The following KLKB1 variants were observed in gnomAD, a reference collection of about 807,000 sequenced individuals.
KLKB1 encodes plasma kallikrein.
A neutral mutation model predicts 73.6 loss-of-function variants in KLKB1; 58 were observed. That is an observed-to-expected ratio of 0.79 (90% CI 0.64 to 0.98). KLKB1 has a LOEUF of 0.98. Among genes scored for constraint, KLKB1 ranks in the 50% least tolerant of loss-of-function variants. The pLI, the probability that KLKB1 is intolerant of heterozygous loss-of-function variation, is 0.00. For missense variants in KLKB1, 737 were observed against 763.8 expected, an observed-to-expected ratio of 0.96 and a Z score of 0.41; for synonymous variants, 280 against 258.1, an observed-to-expected ratio of 1.08 and a Z score of -0.81.
intron 13 of KLKB1, 84 bp downstream of exon 13, chr4:186,256,171 G>A: frequency 1.2e-6 from 1 of 811,500 alleles, no homozygotes; most frequent in South Asian, 1.4e-5. Flanking sequence ...ATCGGTTTCT[G>A]TCTGAAATTA....
At chr4:186,238,441 C>T in intron 6 of KLKB1, 76 bp downstream of exon 6, 1 of 989,504 alleles carries the variant, frequency 1.0e-6, no homozygotes, top group Non-Finnish European at 1.6e-6. Context: ...TGTGCTGAGC[C>T]CTGGGACCTG....
In KLKB1 at chr4:186,258,102, G is replaced by T. The variant is rs1739116911; in HGVS notation, c.1807G>T (p.Ala603Ser). Residue 603 changes from alanine (A) to serine (S), a missense_variant, in exon 15 of 15, where the codon GCC (alanine) becomes TCC (serine). Coordinates refer to ENST00000264690, the MANE Select transcript of KLKB1 (RefSeq NM_000892.5). ...CATCACCAGCTGGGGTGAAGGCTGT[G>T]CCCGCAGGGAGCAACCTGGTGTCTA... ...VGITSWGEGC[A>S]RREQPGVYTK... 1 of 1,614,156 alleles carries T rather than the reference G, an allele frequency of 6.2e-7. No individual in the cohort carries two copies. Among genetic ancestry groups the T allele is most frequent in the African/African-American group, 1.3e-5 (1 of 75,046 alleles).
chr4:186,238,381 CTTCACTTTGTGATTGTGGTAGGTGG>C lies in KLKB1; in HGVS notation c.598+17_598+41del. 1 of 1,542,024 alleles carries C rather than the reference CTTCACTTTGTGATTGTGGTAGGTGG, an allele frequency of 6.5e-7. No homozygotes were observed. Among genetic ancestry groups the C allele is most frequent in the Non-Finnish European group, 9.0e-7 (1 of 1,114,328 alleles). ...TCAGAAATTGGTAATTGTAGGACTA[CTTCACTTTGTGATTGTGGTAGGTGG>C]AATAGGAGCCCCCAGAGACGTCCCT... On this transcript the variant is annotated intron_variant, in intron 6 of 14. Transcript: ENST00000264690.
At chr4:186,231,317 A>G (rs1247903826) in intron 2 of KLKB1, among the ~76,000 whole-genome samples, 2 of 152,248 alleles carry the variant, frequency 1.3e-5, no homozygotes, top group Admixed American at 6.5e-5. Flanking sequence ...GATTTCAAAG[A>G]CAGTCTTTCC....
chr4:186,252,262 C>T (rs1738723599), intron 11 of KLKB1, 77 bp downstream of exon 11: 26 of 1,429,158 alleles, frequency 1.8e-5, no homozygotes, highest in South Asian at 6.9e-5. Flanking sequence ...GCTGCTTCAC[C>T]GCCATGTGAC....
intron 1 of KLKB1, 110 bp downstream of exon 1, chr4:186,227,697 T>C (rs1737213087): frequency 6.5e-6 from 1 of 153,732 alleles, no homozygotes; most frequent in South Asian, 2.0e-4. Flanking sequence ...CCTGAGTATG[T>C]AGAGAGTATA....
Position 186,258,376 on chromosome 4 carries a change from C to G in KLKB1, c.*164C>G, listed in dbSNP as rs143533462. The G allele has an allele frequency of 1.4e-6, 1 of 718,166 alleles. No homozygotes were observed. Among genetic ancestry groups the G allele is most frequent in the Non-Finnish European group, 2.5e-6 (1 of 404,522 alleles). 44.5% of individuals were successfully genotyped at this position (718,166 alleles called of 1,614,324 possible). A position where few individuals can be genotyped will look rare whatever the true frequency, so the allele number is the denominator to read the frequency against. ...TGCTGAGGACAATGTCTGGCTGAAG[C>G]CCGCTTTCAGCACGCCGTAACCAGG... On this transcript the variant is annotated 3_prime_UTR_variant, in exon 15 of 15. Transcript: ENST00000264690.
At chr4:186,244,298 T>C (rs559757800) in intron 6 of KLKB1, among the ~76,000 whole-genome samples, 1 of 152,192 alleles carries the variant, frequency 6.6e-6, no homozygotes, top group South Asian at 2.1e-4. Flanking sequence ...AAGGCGGAAG[T>C]ACTTAACCAT....
chr4:186,250,222 C>T (rs1188716000), intron 6 of KLKB1, 21 bp from the exon 7 acceptor site: 1 of 1,612,408 alleles, frequency 6.2e-7, no homozygotes, highest in South Asian at 1.1e-5. Flanking sequence ...TAAGGAACAT[C>T]TTCTCTCTGT....
chr4:186,249,073 CTT>C (rs1309581634), intron 6 of KLKB1, among the ~76,000 whole-genome samples: 1 of 152,186 alleles, frequency 6.6e-6, no homozygotes, highest in Non-Finnish European at 1.5e-5. Flanking sequence ...ATACTACACT[CTT>C]ATGACATATA....
chr4:186,243,999 G>C (rs184040078), intron 6 of KLKB1, among the ~76,000 whole-genome samples: 16 of 152,232 alleles, frequency 1.1e-4, no homozygotes, highest in Non-Finnish European at 2.1e-4. Context: ...AGTCATGGGG[G>C]TGGGGGCCAG....
intron 6 of KLKB1, among the ~76,000 whole-genome samples, chr4:186,244,272 T>C (rs1419732426): frequency 3.3e-5 from 5 of 152,058 alleles, no homozygotes; most frequent in African/African-American, 1.2e-4. Context: ...GTCAGGATGG[T>C]AAAACTTAGT....
At chr4:186,221,724 G>A (rs1227906144), upstream of KLKB1, among the ~76,000 whole-genome samples, 1 of 152,060 alleles carries the variant, frequency 6.6e-6, no homozygotes, top group Non-Finnish European at 1.5e-5. Context: ...ACCTATCCTG[G>A]AGAGTGTTCT....
Position 186,236,899 on chromosome 4 carries a change from T to G in KLKB1, c.447T>G (p.Phe149Leu). The G allele has an allele frequency of 6.2e-7, 1 of 1,614,130 alleles. No homozygotes were observed. Among genetic ancestry groups the G allele is most frequent in the East Asian group, 2.2e-5 (1 of 44,874 alleles). Residue 149 changes from phenylalanine (F) to leucine (L), a missense_variant, in exon 5 of 15, where the codon TTT becomes TTG. Transcript: ENST00000264690. The part of the protein sequence containing the change: ...KRCTSNIRCQ[F>L]FSYATQTFHK... ...GCACCAGTAACATTCGCTGCCAGTT[T>G]TTTTCATATGCCACGCAAACATTTC...
chr4:186,236,364 T>C (rs1272292162), intron 4 of KLKB1, among the ~76,000 whole-genome samples: 1 of 152,192 alleles, frequency 6.6e-6, no homozygotes, highest in African/African-American at 2.4e-5. Flanking sequence ...CACTGGGAGA[T>C]AGAGAAGCTC....
intron 2 of KLKB1, chr4:186,213,447 T>C (rs1250509499): frequency 6.6e-6 from 1 of 152,232 alleles, no homozygotes; most frequent in East Asian, 1.9e-4. Flanking sequence ...ATAAAATAAA[T>C]AGCACTTTCG....
chr4:186,237,466 T>C (rs1036646029), intron 5 of KLKB1, among the ~76,000 whole-genome samples: 2 of 152,122 alleles, frequency 1.3e-5, no homozygotes, highest in Non-Finnish European at 2.9e-5. Context: ...GGCATGTAAT[T>C]GTACCGCATC....
At chr4:186,231,072 A>C (rs1737380013) in intron 2 of KLKB1, among the ~76,000 whole-genome samples, 1 of 152,210 alleles carries the variant, frequency 6.6e-6, no homozygotes, top group Non-Finnish European at 1.5e-5. Flanking sequence ...GCTCAGGGCC[A>C]AATCCCCAGG....
intron 6 of KLKB1, among the ~76,000 whole-genome samples, chr4:186,242,642 C>T (rs1189073822): frequency 6.6e-6 from 1 of 152,116 alleles, no homozygotes; most frequent in Non-Finnish European, 1.5e-5. Flanking sequence ...AGGAGAAAAA[C>T]AGGTGTTAAA....
Sources: allele counts gnomAD v4.1 joint callset (sites outside exome capture counted in the v4.1 genomes callset), GRCh38; gene constraint gnomAD v4.1.1; transcripts MANE v1.5; gene names NCBI Gene and HGNC (gene_info 2026-07-23, HGNC 2026-07-21).